Variants in SORBS2 observed in about 807,000 individuals in gnomAD.
The protein encoded by SORBS2 is sorbin and SH3 domain-containing protein 2.
SORBS2 carries 46 observed loss-of-function variants against 97.7 expected under a neutral mutation model. That is an observed-to-expected ratio of 0.47 (90% CI 0.37 to 0.60). The LOEUF (loss-of-function observed/expected upper bound fraction) is 0.60. Ranked by LOEUF, SORBS2 falls within the 20% of genes least tolerant of loss-of-function variation. The pLI, the probability that SORBS2 is intolerant of heterozygous loss-of-function variation, is 0.00. For synonymous variants in SORBS2, 476 were observed against 473.4 expected (o/e 1.01, Z -0.07); for missense variants, 1,316 against 1,282.3 (o/e 1.03, Z -0.40).
intron 1 of SORBS2, among the ~76,000 whole-genome samples, chr4:185,905,655 G>T (rs1230261630): frequency 1.3e-5 from 2 of 151,994 alleles, no homozygotes; most frequent in African/African-American, 2.4e-5. Context: ...CTACAGGTGC[G>T]GTCTTACTAA....
intron 1 of SORBS2, among the ~76,000 whole-genome samples, chr4:185,796,378 C>T (rs1043533847): frequency 6.6e-5 from 10 of 152,212 alleles, no homozygotes; most frequent in Admixed American, 1.3e-4. Flanking sequence ...CTCTCCATAT[C>T]GGGCATCCTG....
intron 2 of SORBS2, among the ~76,000 whole-genome samples, chr4:185,697,323 G>A (rs758652941): frequency 7.9e-5 from 12 of 152,094 alleles, no homozygotes; most frequent in Admixed American, 2.6e-4. Flanking sequence ...CAAGCCATAT[G>A]GTTTATTAGA....
chr4:185,617,984 CT>C (rs1349828186), intron 9 of SORBS2, among the ~76,000 whole-genome samples: 1 of 152,102 alleles, frequency 6.6e-6, no homozygotes. Flanking sequence ...CTTATTCATT[CT>C]TTTTTTTGAG....
chr4:185,690,668 A>G (rs989844742), intron 2 of SORBS2, 57 bp from the exon 4 acceptor site: 2 of 706,716 alleles, frequency 2.8e-6, no homozygotes, highest in Admixed American at 2.7e-5. Flanking sequence ...AAATATCATG[A>G]AAGTGTGTCG....
At chr4:185,937,703 G>C (rs1314874690) in intron 1 of SORBS2, among the ~76,000 whole-genome samples, 1 of 152,178 alleles carries the variant, frequency 6.6e-6, no homozygotes, top group Non-Finnish European at 1.5e-5. Context: ...ATTTTAGCTG[G>C]AAGTGGAGGG....
intron 2 of SORBS2, among the ~76,000 whole-genome samples, chr4:185,748,301 C>T (rs986932333): frequency 2.0e-5 from 3 of 152,180 alleles, no homozygotes; most frequent in African/African-American, 7.2e-5. Flanking sequence ...GTGTGACTGG[C>T]TCTGTCACCA....
At chr4:185,657,062 G>T, upstream of SORBS2, 1 of 429,756 alleles carries the variant, frequency 2.3e-6, no homozygotes, top group Non-Finnish European at 3.3e-6. Context: ...ATTCAATGCA[G>T]CCAAAGAATT....
At chr4:185,833,746 A>G (rs2099206399) in intron 1 of SORBS2, among the ~76,000 whole-genome samples, 1 of 152,228 alleles carries the variant, frequency 6.6e-6, no homozygotes, top group Admixed American at 6.5e-5. Context: ...TTTTCAATTA[A>G]TATTTCATAT....
chr4:185,638,720 TG>T (rs1393947417), intron 4 of SORBS2, among the ~76,000 whole-genome samples, 156 bp downstream of exon 14: 2 of 105,796 alleles, frequency 1.9e-5, no homozygotes, highest in Admixed American at 9.5e-5. Context: ...GACAGGGCAT[TG>T]GGGGGCTCTC....
chr4:185,742,596 A>C (rs1470060884), intron 2 of SORBS2, among the ~76,000 whole-genome samples: 1 of 152,216 alleles, frequency 6.6e-6, no homozygotes, highest in Non-Finnish European at 1.5e-5. Context: ...TAAACTATAC[A>C]TCATAGAGCC....
At chr4:185,760,091 A>G (rs1283410739) in intron 2 of SORBS2, among the ~76,000 whole-genome samples, 1 of 152,172 alleles carries the variant, frequency 6.6e-6, no homozygotes, top group Admixed American at 6.5e-5. Context: ...TTTATACAAC[A>G]GATTCTCGTT....
chr4:185,687,578 A>C (rs2097992793), intron 2 of SORBS2, among the ~76,000 whole-genome samples: 2 of 152,258 alleles, frequency 1.3e-5, no homozygotes, highest in South Asian at 4.1e-4. Flanking sequence ...CTAACTACTT[A>C]ATAAATAGAA....
chr4:185,838,873 C>T (rs1311250719), intron 1 of SORBS2, among the ~76,000 whole-genome samples: 1 of 152,132 alleles, frequency 6.6e-6, no homozygotes, highest in African/African-American at 2.4e-5. Context: ...GTCAGAATCA[C>T]CAGAAGGTAT....
In SORBS2 at chr4:185,605,986, G is replaced by A. The variant is rs28495755; in HGVS notation, c.2796+5794C>T. ...TGAAGATACAGTACCCAGTTCTTAAGTAGTCAATGTGAAGTCAACACAAAG... is the reference window on the plus strand; with the variant it reads ...TGAAGATACAGTACCCAGTTCTTAAATAGTCAATGTGAAGTCAACACAAAG... On this transcript the variant is annotated intron_variant, in intron 12 of 14. Coordinates refer to ENST00000418609, the Ensembl canonical transcript of SORBS2. The A allele has an allele frequency of 7.7e-3, 3,565 of 462,762 alleles. 103 individuals are homozygous for A. Among genetic ancestry groups the A allele is most frequent in the African/African-American group, 0.072 (3,396 of 47,134 alleles). The allele number at this position is 462,762 out of a possible 1,614,324, so 28.7% of individuals were successfully genotyped here. A position where few individuals can be genotyped will look rare whatever the true frequency, so the allele number is the denominator to read the frequency against.
chr4:185,650,857 G>C (rs2097301609), intron 2 of SORBS2, among the ~76,000 whole-genome samples: 1 of 152,056 alleles, frequency 6.6e-6, no homozygotes. Context: ...AAACCCAGAG[G>C]GCTTGCTGAG....
At chr4:185,635,262 A>C in intron 4 of SORBS2, 93 bp downstream of exon 16, 2 of 900,798 alleles carry the variant, frequency 2.2e-6, no homozygotes, top group Non-Finnish European at 3.5e-6. Flanking sequence ...AATAGCTTAG[A>C]CATTACAGAG....
At chr4:185,865,700 C>T (rs546511124) in intron 1 of SORBS2, among the ~76,000 whole-genome samples, 2 of 152,252 alleles carry the variant, frequency 1.3e-5, no homozygotes, top group East Asian at 1.9e-4. Context: ...ACTTTAAGCA[C>T]GTTATATTTT....
chr4:185,956,052 G>A (rs2099279389), intron 1 of SORBS2: 1 of 152,152 alleles, frequency 6.6e-6, no homozygotes, highest in African/African-American at 2.4e-5. Flanking sequence ...TTCTCCCCCA[G>A]AGGTTAACCA....
At chr4:185,718,721 T>C (rs2098486015) in intron 2 of SORBS2, among the ~76,000 whole-genome samples, 1 of 152,224 alleles carries the variant, frequency 6.6e-6, no homozygotes, top group Admixed American at 6.5e-5. Flanking sequence ...AGCTGGGGCA[T>C]TCCAGATTCT....
Sources: gnomAD v4.1 joint callset for allele counts (sites outside exome capture counted in the v4.1 genomes callset) on GRCh38, gnomAD v4.1.1 for gene constraint, MANE v1.5 for transcripts, NCBI Gene and HGNC (gene_info 2026-07-23, HGNC 2026-07-21) for gene names.